SIPA1L3: variants seen among roughly 807,000 people sequenced by gnomAD.
The protein encoded by SIPA1L3 is signal induced proliferation associated 1 like 3, also known as signal-induced proliferation-associated 1-like protein 3.
In SIPA1L3, 59 loss-of-function variants were observed where a neutral mutation model predicts 150.1. The ratio of observed to expected loss-of-function variants is 0.39; its 90% CI spans 0.32 to 0.49. The LOEUF is 0.49. SIPA1L3 is among the 20% of genes least tolerant of loss of function. The probability of loss-of-function intolerance (pLI) is 0.86; values close to 1 mark genes in which losing one functional copy is unlikely to be tolerated. For synonymous variants in SIPA1L3, 1,070 were observed against 1,077.6 expected (o/e 0.99, Z 0.14); for missense variants, 2,211 against 2,489.5 (o/e 0.89, Z 2.38).
At chr19:38,186,171 A>G (rs1972673911) in intron 16 of SIPA1L3, 1 of 152,250 alleles carries the variant, frequency 6.6e-6, no homozygotes, top group African/African-American at 2.4e-5. Flanking sequence ...CAGCTTTCCC[A>G]GTGATGAAAT....
At position 38,081,587 on chromosome 19, in the gene SIPA1L3, C is replaced by A; in HGVS notation, c.22C>A (p.Pro8Thr). ...GACTATGACCACCTATCGGGCCATC[C>A]CCAGCGATGGTGTGGACCTGGCAGC... MTTYRAI[P>T]SDGVDLAASC... The change falls in exon 3 of 22, where the codon CCC becomes ACC. Residue 8 changes from proline to threonine, a missense_variant. By Grantham distance (38) the Pro-to-Thr change is conservative. Transcript: ENST00000222345. The A allele has an allele frequency of 6.3e-7, 1 of 1,592,686 alleles. No homozygotes were observed. Among genetic ancestry groups the A allele is most frequent in the Non-Finnish European group, 8.6e-7 (1 of 1,165,890 alleles).
chr19:37,911,244 T>A (rs1289094311), intron 1 of SIPA1L3, among the ~76,000 whole-genome samples: 3 of 94,898 alleles, frequency 3.2e-5, no homozygotes, highest in Non-Finnish European at 5.8e-5. Context: ...TGTTTGTATG[T>A]ATGTGCGTGT....
chr19:38,079,936 A>G (rs928886257), intron 2 of SIPA1L3, among the ~76,000 whole-genome samples: 3 of 152,200 alleles, frequency 2.0e-5, no homozygotes, highest in Non-Finnish European at 4.4e-5. Context: ...GATGTCCTGG[A>G]TAAGGTTTGG....
chr19:38,090,277 C>G (rs896813647), intron 4 of SIPA1L3, among the ~76,000 whole-genome samples: 3 of 147,928 alleles, frequency 2.0e-5, no homozygotes, highest in Admixed American at 6.9e-5. Context: ...TTGCAGTGAG[C>G]TGAGATCGCG....
At position 38,046,308 on chromosome 19, in the gene SIPA1L3, C is replaced by T. The variant is rs1395098322; in HGVS notation, c.-311+17152C>T. Among the ~76,000 whole-genome samples, 5 of 152,184 alleles carry T rather than the reference C, an allele frequency of 3.3e-5. No individual in the cohort carries two copies. Among genetic ancestry groups the T allele is most frequent in the South Asian group, 4.1e-4 (2 of 4,834 alleles). ...TCAAAAGGGACCCCCACCTGCTGCC[C>T]GCAAAGATGGCCTCATTTCCTCTCA... On this transcript the variant is annotated intron_variant, in intron 2 of 21. Transcript: ENST00000222345. The surrounding 1 kb of genome is among the most constrained non-coding windows in gnomAD (Gnocchi z 5.6).
intron 6 of SIPA1L3, among the ~76,000 whole-genome samples, chr19:38,105,819 G>A (rs187883332): frequency 1.3e-4 from 20 of 152,288 alleles, no homozygotes; most frequent in Admixed American, 3.3e-4. Context: ...TTTGACTGAC[G>A]CTTGAAGATT....
In SIPA1L3 at chr19:38,082,951, C is replaced by A; in HGVS notation, c.1386C>A (p.Pro462=). Residue 462 remains proline, a synonymous_variant, in exon 3 of 22, where the codon CCC becomes CCA. Coordinates refer to ENST00000222345, the MANE Select transcript of SIPA1L3 (RefSeq NM_015073.3). ...PSSGEGHLAE[P]ALSAYRTNAS... is the part of the protein sequence containing the mutation. ...GCGGCGAGGGCCACCTGGCAGAGCC[C>A]GCCCTGAGCGCCTACCGCACCAACG... 6.2e-7 allele frequency: 1 copy of A among 1,612,984 alleles called. No individual in the cohort carries two copies. The highest frequency in any genetic ancestry group is 8.5e-7 in the Non-Finnish European group (1 of 1,179,844).
At chr19:38,023,114 G>T (rs1968415960) in intron 1 of SIPA1L3, among the ~76,000 whole-genome samples, 1 of 152,214 alleles carries the variant, frequency 6.6e-6, no homozygotes, top group South Asian at 2.1e-4. Context: ...GTCTGTCTGT[G>T]AGCCCACTCT....
intron 1 of SIPA1L3, among the ~76,000 whole-genome samples, chr19:37,940,794 C>CTGG (rs34483882): frequency 0.29 from 44,261 of 151,662 alleles, 7,720 homozygotes; most frequent in East Asian, 0.6. Context: ...GTTGGCCAGG[C>CTGG]TGGTCTCAAA....
intron 15 of SIPA1L3, among the ~76,000 whole-genome samples, chr19:38,181,366 C>T (rs1972551180): frequency 6.6e-6 from 1 of 152,170 alleles, no homozygotes; most frequent in African/African-American, 2.4e-5. Context: ...GGTGTGCTGG[C>T]ACATGCCGTG....
At chr19:37,978,987 A>G (rs1244715110) in intron 1 of SIPA1L3, among the ~76,000 whole-genome samples, 1 of 151,944 alleles carries the variant, frequency 6.6e-6, no homozygotes, top group Non-Finnish European at 1.5e-5. Flanking sequence ...CAAAACCAGA[A>G]AAAAAGGCAG....
At chr19:38,115,927 G>A (rs1201947037) in intron 8 of SIPA1L3, among the ~76,000 whole-genome samples, 2 of 152,186 alleles carry the variant, frequency 1.3e-5, no homozygotes, top group African/African-American at 4.8e-5. Flanking sequence ...TGGAGTCCAG[G>A]AAGTGCTTGT....
At chr19:37,963,107 C>G (rs2046874156) in intron 1 of SIPA1L3, among the ~76,000 whole-genome samples, 1 of 152,108 alleles carries the variant, frequency 6.6e-6, no homozygotes, top group African/African-American at 2.4e-5. Flanking sequence ...GCCAATGGAT[C>G]TGTGTCTGTG....
rs113554776 is a variant in SIPA1L3, at chr19:38,175,484, C to T, written c.4209-7035C>T. On this transcript the variant is annotated intron_variant, in intron 15 of 21. Coordinates refer to ENST00000222345, the MANE Select transcript of SIPA1L3 (RefSeq NM_015073.3). Reference sequence around the variant, plus strand: ...GGAAGCATAAATCCTTTGACTCCAACAAAATGTTAAATGCTCCCCTAAGAT... The same window carrying T: ...GGAAGCATAAATCCTTTGACTCCAATAAAATGTTAAATGCTCCCCTAAGAT... 4.9e-4 allele frequency among the ~76,000 whole-genome samples: 74 copies of T among 152,246 alleles called. 1 individual carries two copies. Among genetic ancestry groups the T allele is most frequent in the African/African-American group, 1.7e-3 (71 of 41,546 alleles).
rs1192178465 is a variant in SIPA1L3 at position 38,047,833 on chromosome 19, G to C, written c.-311+18677G>C. 1.3e-5 allele frequency among the ~76,000 whole-genome samples: 2 copies of C among 152,202 alleles called. No individual in the cohort carries two copies. Among genetic ancestry groups the C allele is most frequent in the Non-Finnish European group, 2.9e-5 (2 of 68,040 alleles). ...TGATTCAGGAACAGAGCAGCTGCAGGAGTGCCAGGCTGGGCTTTCTGGTCC... is the reference window on the plus strand; with the variant it reads ...TGATTCAGGAACAGAGCAGCTGCAGCAGTGCCAGGCTGGGCTTTCTGGTCC... On this transcript the variant is annotated intron_variant, in intron 2 of 21. Transcript: ENST00000222345. The surrounding 1 kb of genome is among the most constrained non-coding windows in gnomAD (Gnocchi z 4.7).
At chr19:38,068,835 G>A (rs1969654541) in intron 2 of SIPA1L3, among the ~76,000 whole-genome samples, 1 of 152,160 alleles carries the variant, frequency 6.6e-6, no homozygotes, top group Non-Finnish European at 1.5e-5. Flanking sequence ...TCCAGCCTGG[G>A]TGGCAAAGAC....
chr19:37,981,131 C>T (rs1967191208), intron 1 of SIPA1L3, among the ~76,000 whole-genome samples: 1 of 152,152 alleles, frequency 6.6e-6, no homozygotes, highest in African/African-American at 2.4e-5. Flanking sequence ...GTTAGTATAG[C>T]TCATGATTAA....
intron 2 of SIPA1L3, among the ~76,000 whole-genome samples, chr19:38,039,165 G>A (rs1282334395): frequency 6.6e-6 from 1 of 152,098 alleles, no homozygotes; most frequent in Non-Finnish European, 1.5e-5. Context: ...TTACAGGCAT[G>A]AGCCACCTTG....
rs1045786829 is a variant in SIPA1L3, at chr19:38,105,178, A to G, written c.2030-1359A>G. Among the ~76,000 whole-genome samples the G allele has an allele frequency of 2.6e-5, 4 of 152,058 alleles. No homozygotes were observed. In the South Asian group the frequency reaches 6.3e-4, roughly 24 times the overall value. On this transcript the variant is annotated intron_variant, in intron 6 of 21. Transcript: ENST00000222345. ...TTCAACCAGCCTGGGCAATGTGGTG[A>G]AACCCCATCTCTACTAAAAATACTA...
Sources: gnomAD v4.1 joint callset for allele counts (sites outside exome capture counted in the v4.1 genomes callset) on GRCh38, gnomAD v4.1.1 for gene constraint, Gnocchi (gnomAD v3.1) non-coding constraint, MANE v1.5 for transcripts, NCBI Gene and HGNC (gene_info 2026-07-23, HGNC 2026-07-21) for gene names.